INTS13: variants seen among roughly 807,000 people sequenced by gnomAD.
The protein encoded by INTS13 is integrator complex subunit 13.
A neutral mutation model predicts 90.2 loss-of-function variants in INTS13; 35 were observed. That is an observed-to-expected ratio of 0.39 (90% CI 0.30 to 0.51). The LOEUF (loss-of-function observed/expected upper bound fraction) is 0.51. Among genes scored for constraint, INTS13 ranks in the 20% least tolerant of loss-of-function variants. The pLI is 0.80. For missense variants in INTS13, 601 were observed against 851.2 expected, an observed-to-expected ratio of 0.71 and a Z score of 3.66; for synonymous variants, 309 against 277.1, an observed-to-expected ratio of 1.11 and a Z score of -1.14.
In INTS13 at chr12:26,905,406, T is replaced by A. The variant is rs1245230870; in HGVS notation, c.*91A>T. 2.9e-5 allele frequency: 35 copies of A among 1,220,384 alleles called. No individual in the cohort carries two copies. The South Asian group carries it at 4.0e-4, about 14-fold the overall frequency. 75.6% of individuals were successfully genotyped at this position (1,220,384 alleles called of 1,614,324 possible). On this transcript the variant is annotated 3_prime_UTR_variant, in exon 17 of 17. Coordinates refer to ENST00000261191, the MANE Select transcript of INTS13 (RefSeq NM_018164.3). ...AATGTAAAAACCAGTCCAGGCAACA[T>A]AACTATACCATCTTGCTGTAAAAGT... is the stretch of plus-strand genomic sequence containing the variant.
intron 9 of INTS13, 73 bp from the exon 10 acceptor site, chr12:26,917,514 ACTT>A (rs1331954783): frequency 8.0e-6 from 10 of 1,249,866 alleles, no homozygotes; most frequent in Admixed American, 4.5e-5. Context: ...AGAAAAAAAA[ACTT>A]CTTCACTGAG....
Position 26,917,437 on chromosome 12 carries a change from TA to T in INTS13, c.983del (p.Leu328TyrfsTer13). The part of the protein sequence containing the change: ...WCTPRTNNIE[L>X]HYCTGAYRIS... ...TCCGATAAGCTCCAGTACAATAGTG[TA>T]ATTCTGAAATAGAAGAAAACACTGA... On this transcript the variant is annotated frameshift_variant, in exon 10 of 17. Transcript: ENST00000261191. LOFTEE classifies it high-confidence loss of function. The T allele has an allele frequency of 6.6e-7, 1 of 1,519,088 alleles. No homozygotes were observed. The highest frequency in any genetic ancestry group is 9.0e-7 in the Non-Finnish European group (1 of 1,107,796). 94.1% of individuals were successfully genotyped at this position (1,519,088 alleles called of 1,614,324 possible).
intron 7 of INTS13, among the ~76,000 whole-genome samples, chr12:26,923,016 T>TA (rs1937671439): frequency 6.6e-6 from 1 of 152,118 alleles, no homozygotes; most frequent in Admixed American, 6.6e-5. Flanking sequence ...ATTTTTAATA[T>TA]ACAAATATAA....
intron 6 of INTS13, 31 bp downstream of exon 6, chr12:26,925,730 T>C (rs370460548): frequency 2.7e-6 from 4 of 1,491,200 alleles, no homozygotes; most frequent in African/African-American, 2.8e-5. Flanking sequence ...TTAACCACAA[T>C]AGTCTTTTCT....
Position 26,917,681 on chromosome 12 carries a change from T to C in INTS13, c.942A>G (p.Ile314Met). The change falls in exon 9 of 17, where the codon ATA becomes ATG. Residue 314 changes from isoleucine to methionine, a missense_variant. Ile to Met is a conservative substitution (Grantham distance 10, BLOSUM62 1). Transcript: ENST00000261191. Reference sequence around the variant, plus strand: ...TCCTTGGTGTACACCACTTTAATGTTATTGTTTCTTTAAACGAGCCTTCTC... The same window carrying C: ...TCCTTGGTGTACACCACTTTAATGTCATTGTTTCTTTAAACGAGCCTTCTC... ...GSREGSFKET[I>M]TLKWCTPRTN... The C allele has an allele frequency of 1.2e-6, 2 of 1,614,098 alleles. No individual in the cohort carries two copies. The highest frequency in any genetic ancestry group is 1.7e-6 in the Non-Finnish European group (2 of 1,179,966).
intron 3 of INTS13, among the ~76,000 whole-genome samples, chr12:26,931,959 C>A (rs898123158): frequency 3.3e-5 from 5 of 151,752 alleles, no homozygotes; most frequent in African/African-American, 4.8e-5. Context: ...TGGTGGCAGG[C>A]GCCTGTAATT....
intron 6 of INTS13, among the ~76,000 whole-genome samples, chr12:26,925,408 G>T (rs1020709099): frequency 6.6e-6 from 1 of 151,792 alleles, no homozygotes; most frequent in African/African-American, 2.4e-5. Flanking sequence ...TTTTTTATTG[G>T]AATATTTTTT....
chr12:26,912,475 G>C (rs1158981179), intron 14 of INTS13, among the ~76,000 whole-genome samples: 10 of 152,068 alleles, frequency 6.6e-5, no homozygotes, highest in African/African-American at 2.4e-4. Context: ...TAAAAAAAGT[G>C]ACCTGGTGTT....
intron 14 of INTS13, among the ~76,000 whole-genome samples, chr12:26,913,111 A>G (rs1041217420): frequency 6.6e-6 from 1 of 152,170 alleles, no homozygotes; most frequent in African/African-American, 2.4e-5. Flanking sequence ...TGCCTGGCAC[A>G]TCATAAGCAT....
intron 2 of INTS13, among the ~76,000 whole-genome samples, chr12:26,935,128 C>T (rs1392992249): frequency 6.6e-6 from 1 of 152,134 alleles, no homozygotes; most frequent in Non-Finnish European, 1.5e-5. Context: ...AAAGTCAGAG[C>T]AGGCAGTGGG....
At chr12:26,936,837 G>T in intron 1 of INTS13, 23 bp from the exon 2 acceptor site, 1 of 1,469,404 alleles carries the variant, frequency 6.8e-7, no homozygotes, top group Non-Finnish European at 9.5e-7. Context: ...AAACATATTA[G>T]CCAAATATTT....
At chr12:26,907,156 C>T (rs1216923059) in intron 15 of INTS13, among the ~76,000 whole-genome samples, 1 of 152,102 alleles carries the variant, frequency 6.6e-6, no homozygotes, top group East Asian at 1.9e-4. Context: ...ATTACAATAG[C>T]CAAAACAATT....
chr12:26,914,954 C>T (rs935981561), intron 11 of INTS13, among the ~76,000 whole-genome samples: 5 of 152,058 alleles, frequency 3.3e-5, no homozygotes, highest in African/African-American at 9.7e-5. Context: ...AGGTTGGGCA[C>T]GGTGGCTCAC....
intron 3 of INTS13, among the ~76,000 whole-genome samples, chr12:26,930,352 G>A (rs1429154701): frequency 6.6e-6 from 1 of 152,084 alleles, no homozygotes; most frequent in African/African-American, 2.4e-5. Flanking sequence ...TCTTCAAAAA[G>A]AACAAGGTAA....
chr12:26,936,895 T>G, intron 1 of INTS13, 81 bp from the exon 2 acceptor site: 1 of 931,710 alleles, frequency 1.1e-6, no homozygotes, highest in East Asian at 2.6e-5. Context: ...AAGATTGTCT[T>G]TCCCTCAAGA....
rs561283384 is a variant in INTS13 at position 26,912,308 on chromosome 12, A to G, written c.1806-991T>C. ...AAAAATTGGCCAGGCATGGTGGCAC[A>G]TACCTATAATCCCAGCTACCTGAGA... On this transcript the variant is annotated intron_variant, in intron 14 of 16. Coordinates refer to ENST00000261191, the MANE Select transcript of INTS13 (RefSeq NM_018164.3). Among the ~76,000 whole-genome samples the G allele has an allele frequency of 1.3e-5, 2 of 152,206 alleles. 1 individual carries two copies. Among genetic ancestry groups the G allele is most frequent in the African/African-American group, 4.8e-5 (2 of 41,528 alleles).
rs773214357 is a variant in INTS13, at chr12:26,906,359, C to T, written c.2024G>A (p.Arg675His). The T allele has an allele frequency of 9.9e-6, 16 of 1,613,078 alleles. No individual in the cohort carries two copies. Among genetic ancestry groups the T allele is most frequent in the East Asian group, 2.2e-5 (1 of 44,776 alleles). Residue 675 changes from arginine to histidine, a missense_variant, in exon 16 of 17, where the codon CGT becomes CAT. By Grantham distance (29) the Arg-to-His change is conservative (BLOSUM62 0). Coordinates refer to ENST00000261191, the MANE Select transcript of INTS13 (RefSeq NM_018164.3). ...AGCTCTGTTATTAACAGAGTTCAAA[C>T]GTCCAGCAAATTCCTGATGTTTTCT... ...NSRKHQEFAG[R>H]LNSVNNRAEL...
In INTS13 at chr12:26,928,116, G is replaced by C. The variant is rs998364646; in HGVS notation, c.584+89C>G. On this transcript the variant is annotated intron_variant, in intron 5 of 16. Transcript: ENST00000261191. ...TTTGTTGAGTCAATAGAGAATTCAG[G>C]GAAACGCTACCAGTCAAGTTATTGG... 1.1e-5 allele frequency: 10 copies of C among 923,522 alleles called. No homozygotes were observed. In the African/African-American group the frequency reaches 1.7e-4, roughly 15 times the overall value. The allele number at this position is 923,522 out of a possible 1,614,324, so 57.2% of individuals were successfully genotyped here.
Position 26,925,821 on chromosome 12 carries a change from G to C in INTS13, c.615C>G (p.Val205=), listed in dbSNP as rs1271064856. The change falls in exon 6 of 17, where the codon GTC becomes GTG. Residue 205 remains valine (V), a synonymous_variant. Transcript: ENST00000261191. ...HLMQIQKCEL[V]LIHTYPVGED... is the part of the protein sequence containing the mutation. ...CACCAACTGGGTAGGTGTGGATCAA[G>C]ACCAACTCACATTTTTGAATCTGCA... 6.2e-7 allele frequency: 1 copy of C among 1,612,984 alleles called. No homozygotes were observed. Among genetic ancestry groups the C allele is most frequent in the Non-Finnish European group, 8.5e-7 (1 of 1,179,366 alleles).
Sources: gnomAD v4.1 joint callset for allele counts (sites outside exome capture counted in the v4.1 genomes callset) on GRCh38, gnomAD v4.1.1 for gene constraint, MANE v1.5 for transcripts, NCBI Gene and HGNC (gene_info 2026-07-23, HGNC 2026-07-21) for gene names.